Variants in UBE2E2 observed in about 807,000 individuals in gnomAD.
The protein encoded by UBE2E2 is ubiquitin-conjugating enzyme E2 E2.
Under a neutral mutation model 24.7 loss-of-function variants are expected in UBE2E2, and 6 were observed. That is an observed-to-expected ratio of 0.24 (90% CI 0.13 to 0.48). The LOEUF is 0.48. Among genes scored for constraint, UBE2E2 ranks in the 20% least tolerant of loss-of-function variants. The probability of loss-of-function intolerance (pLI) is 0.99; values close to 1 mark genes in which losing one functional copy is unlikely to be tolerated. For synonymous variants in UBE2E2, 104 were observed against 83.6 expected (o/e 1.24, Z -1.33); for missense variants, 169 against 245.0 (o/e 0.69, Z 2.07).
chr3:23,222,021 G>A (rs988158371), intron 3 of UBE2E2, among the ~76,000 whole-genome samples: 2 of 151,050 alleles, frequency 1.3e-5, no homozygotes, highest in Non-Finnish European at 2.9e-5. Flanking sequence ...CCCCTTCCTG[G>A]CCTCTGGTAA....
rs867029068 is a variant in UBE2E2, at chr3:23,578,823, G to T, written c.509-10911G>T. ...CAGGAAGAATAACTAATGGATGCTG[G>T]GATTAATACCTAGGTGATAGGATGA... On this transcript the variant is annotated intron_variant, in intron 5 of 5. Coordinates refer to ENST00000396703, the MANE Select transcript of UBE2E2 (RefSeq NM_152653.4). Among the ~76,000 whole-genome samples the T allele has an allele frequency of 5.3e-5, 8 of 152,144 alleles. No homozygotes were observed. In the Middle Eastern group the frequency reaches 0.01, roughly 194 times the overall value.
intron 3 of UBE2E2, among the ~76,000 whole-genome samples, chr3:23,463,788 T>G (rs1698863558): frequency 6.6e-6 from 1 of 152,162 alleles, no homozygotes; most frequent in South Asian, 2.1e-4. Flanking sequence ...ATTTAAAATT[T>G]ATTCCAATAC....
chr3:23,280,988 T>C lies in UBE2E2; in HGVS notation c.227+63676T>C, dbSNP rs1007161944. ...CACTGTTCCTAGTTTGCAGACAGTC[T>C]TCTCATTGTATCCTCACTTGCTGGA... On this transcript the variant is annotated intron_variant, in intron 3 of 5. Transcript: ENST00000396703. The surrounding 1 kb of genome is among the most constrained non-coding windows in gnomAD (Gnocchi z 4.3). Among the ~76,000 whole-genome samples the C allele has an allele frequency of 2.0e-5, 3 of 152,234 alleles. No individual in the cohort carries two copies. Among genetic ancestry groups the C allele is most frequent in the African/African-American group, 7.2e-5 (3 of 41,466 alleles).
At chr3:23,234,919 A>G (rs1243399543) in intron 3 of UBE2E2, among the ~76,000 whole-genome samples, 1 of 152,226 alleles carries the variant, frequency 6.6e-6, no homozygotes, top group African/African-American at 2.4e-5. Flanking sequence ...TATTTTTGAA[A>G]GAATGTCAGG....
intron 3 of UBE2E2, among the ~76,000 whole-genome samples, chr3:23,391,468 A>G (rs1696933399): frequency 6.6e-6 from 1 of 152,206 alleles, no homozygotes; most frequent in South Asian, 2.1e-4. Flanking sequence ...CATGATGCAA[A>G]CATTTAAAAA....
At chr3:23,260,358 A>C (rs1697862381) in intron 3 of UBE2E2, among the ~76,000 whole-genome samples, 1 of 152,220 alleles carries the variant, frequency 6.6e-6, no homozygotes, top group Non-Finnish European at 1.5e-5. Context: ...TTCATTCTGT[A>C]CTTTTAATTA....
At chr3:23,278,903 T>C (rs755523770) in intron 3 of UBE2E2, among the ~76,000 whole-genome samples, 7 of 152,142 alleles carry the variant, frequency 4.6e-5, no homozygotes, top group Non-Finnish European at 1.0e-4. Context: ...TTATGACTTA[T>C]TGATAGCATT....
chr3:23,366,212 G>T (rs1391654525), intron 3 of UBE2E2, among the ~76,000 whole-genome samples: 1 of 152,200 alleles, frequency 6.6e-6, no homozygotes, highest in Non-Finnish European at 1.5e-5. Context: ...TACACTGCTG[G>T]TGTGTGTAAA....
At chr3:23,460,974 G>A (rs1430446778) in intron 3 of UBE2E2, among the ~76,000 whole-genome samples, 2 of 152,114 alleles carry the variant, frequency 1.3e-5, no homozygotes, top group African/African-American at 4.8e-5. Flanking sequence ...AACCAGTAAG[G>A]TTTTCTTATT....
At chr3:23,477,814 CCAGTGG>C (rs1158025184) in intron 3 of UBE2E2, among the ~76,000 whole-genome samples, 1 of 152,154 alleles carries the variant, frequency 6.6e-6, no homozygotes, top group Non-Finnish European at 1.5e-5. Context: ...TGGGAGGAAC[CCAGTGG>C]GAGGTGATTG....
At chr3:23,273,951 G>T (rs1273488969) in intron 3 of UBE2E2, 2 of 152,206 alleles carry the variant, frequency 1.3e-5, no homozygotes, top group Non-Finnish European at 2.9e-5. Context: ...GTGTGATCCA[G>T]ATGTTAACAA....
intron 3 of UBE2E2, among the ~76,000 whole-genome samples, chr3:23,411,729 T>C (rs1397394756): frequency 6.6e-6 from 1 of 152,196 alleles, no homozygotes; most frequent in African/African-American, 2.4e-5. Context: ...TAAATTCTCA[T>C]TGGCTCATTT....
chr3:23,523,357 T>C (rs553447547), intron 4 of UBE2E2, among the ~76,000 whole-genome samples: 1 of 152,342 alleles, frequency 6.6e-6, no homozygotes, highest in Non-Finnish European at 1.5e-5. Context: ...CATGTTTTTC[T>C]ACATTTATAC....
intron 5 of UBE2E2, among the ~76,000 whole-genome samples, chr3:23,553,961 C>A (rs925847034): frequency 6.6e-6 from 1 of 151,774 alleles, no homozygotes; most frequent in Non-Finnish European, 1.5e-5. Context: ...GTTAAAATGC[C>A]CATACTACCA....
At chr3:23,290,584 C>A (rs926408239) in intron 3 of UBE2E2, among the ~76,000 whole-genome samples, 1 of 151,896 alleles carries the variant, frequency 6.6e-6, no homozygotes, top group African/African-American at 2.4e-5. Flanking sequence ...TCCTGAGTAA[C>A]TGGGATTATA....
At chr3:23,248,455 G>C (rs1397607468) in intron 3 of UBE2E2, among the ~76,000 whole-genome samples, 4 of 152,236 alleles carry the variant, frequency 2.6e-5, no homozygotes, top group Admixed American at 6.5e-5. Context: ...TGCTAGCTAA[G>C]TGGAATGTTG....
chr3:23,551,436 T>A (rs532984592), intron 5 of UBE2E2, among the ~76,000 whole-genome samples: 1 of 152,226 alleles, frequency 6.6e-6, no homozygotes, highest in Non-Finnish European at 1.5e-5. Context: ...GAGAAACTTA[T>A]GTTGGCTCTA....
chr3:23,517,217 CTA>C (rs1301201110), intron 4 of UBE2E2, among the ~76,000 whole-genome samples: 7 of 152,142 alleles, frequency 4.6e-5, no homozygotes, highest in East Asian at 3.9e-4. Flanking sequence ...TCTGGAATTT[CTA>C]TGAGTTTTAT....
intron 3 of UBE2E2, among the ~76,000 whole-genome samples, chr3:23,423,069 G>T (rs904813341): frequency 6.6e-6 from 1 of 152,128 alleles, no homozygotes; most frequent in Non-Finnish European, 1.5e-5. Context: ...TACAGTTCTT[G>T]TTTAAGATGT....
Sources: allele counts gnomAD v4.1 joint callset (sites outside exome capture counted in the v4.1 genomes callset), GRCh38; gene constraint gnomAD v4.1.1; non-coding constraint Gnocchi (gnomAD v3.1); transcripts MANE v1.5; gene names NCBI Gene and HGNC (gene_info 2026-07-23, HGNC 2026-07-21).